The following VPS13D variants were observed in gnomAD, a reference collection of about 807,000 sequenced individuals.
The protein encoded by VPS13D is intermembrane lipid transfer protein VPS13D.
Under a neutral mutation model 461.9 loss-of-function variants are expected in VPS13D, and 187 were observed. The observed-to-expected ratio is 0.40, with a 90% CI of 0.36 to 0.46. The LOEUF (loss-of-function observed/expected upper bound fraction) is 0.46. Among genes scored for constraint, VPS13D ranks in the 20% least tolerant of loss-of-function variants. VPS13D has a pLI of 0.60. For synonymous variants in VPS13D, 1,951 were observed against 1,986.3 expected, an observed-to-expected ratio of 0.98 and a Z score of 0.47; for missense variants, 4,711 against 5,364.9, an observed-to-expected ratio of 0.88 and a Z score of 3.81.
intron 5 of VPS13D, among the ~76,000 whole-genome samples, chr1:12,245,829 A>T (rs934221819): frequency 6.6e-6 from 1 of 152,206 alleles, no homozygotes; most frequent in Non-Finnish European, 1.5e-5. Context: ...AGATTTGCCT[A>T]TTGTAGACAT....
chr1:12,306,772 A>G (rs1642576713), intron 26 of VPS13D, among the ~76,000 whole-genome samples: 1 of 152,146 alleles, frequency 6.6e-6, no homozygotes, highest in African/African-American at 2.4e-5. Context: ...AGGGTTGGGG[A>G]TGGTTTCAGG....
chr1:12,359,827 G>A lies in VPS13D; in HGVS notation c.10141+1226G>A, dbSNP rs148728975. Among the ~76,000 whole-genome samples the A allele has an allele frequency of 3.9e-3, 600 of 152,306 alleles. 12 individuals carry two copies. The highest frequency in any genetic ancestry group is 0.032 in the Admixed American group (491 of 15,296). ...AACTTGATTTGATCTTGCAGCACAGGATAGTTATCTTAACTTGTTCTCACT... is the reference window on the plus strand; with the variant it reads ...AACTTGATTTGATCTTGCAGCACAGAATAGTTATCTTAACTTGTTCTCACT... On this transcript the variant is annotated intron_variant, in intron 50 of 69. Transcript: ENST00000620676.
chr1:12,489,553 A>G (rs1180700685), intron 67 of VPS13D, among the ~76,000 whole-genome samples: 1 of 152,222 alleles, frequency 6.6e-6, no homozygotes, highest in Non-Finnish European at 1.5e-5. Context: ...AATGTTAACA[A>G]GAAAGCAAAG....
At chr1:12,240,129 C>G (rs1640297023) in intron 2 of VPS13D, among the ~76,000 whole-genome samples, 1 of 151,928 alleles carries the variant, frequency 6.6e-6, no homozygotes, top group Non-Finnish European at 1.5e-5. Context: ...CTCATTTTTT[C>G]CTTTACATTC....
At chr1:12,382,315 T>C in intron 57 of VPS13D, among the ~76,000 whole-genome samples, 1 of 152,160 alleles carries the variant, frequency 6.6e-6, no homozygotes. Flanking sequence ...TTGACCAGGC[T>C]GGTCTCAAAC....
intron 65 of VPS13D, among the ~76,000 whole-genome samples, chr1:12,452,996 C>G (rs1409008346): frequency 1.3e-5 from 2 of 152,132 alleles, no homozygotes; most frequent in African/African-American, 2.4e-5. Flanking sequence ...CTTTCCATGG[C>G]AAAGGTCTTC....
Position 12,333,321 on chromosome 1 carries a change from A to G in VPS13D, c.8383A>G (p.Lys2795Glu), listed in dbSNP as rs1569933605. Residue 2795 changes from lysine (K) to glutamate (E), a missense_variant, in exon 38 of 70, where the codon AAG (lysine) becomes GAG (glutamate). Transcript: ENST00000620676. ...TCCTCCTCGACTGAAGCTAGAAGCCAAGGCCAAACCTCGTTTGGATATCAA... is the reference window on the plus strand; with the variant it reads ...TCCTCCTCGACTGAAGCTAGAAGCCGAGGCCAAACCTCGTTTGGATATCAA... ...LHPPRLKLEA[K>E]AKPRLDINIT... 1 of 1,614,190 alleles carries G rather than the reference A, an allele frequency of 6.2e-7. No individual in the cohort carries two copies. The highest frequency in any genetic ancestry group is 1.1e-5 in the South Asian group (1 of 91,078).
At chr1:12,346,796 AT>A in intron 44 of VPS13D, 144 bp downstream of exon 44, 1 of 800,878 alleles carries the variant, frequency 1.2e-6, no homozygotes, top group Non-Finnish European at 1.8e-6. Flanking sequence ...TCTATTAATG[AT>A]TACCTTCCTT....
chr1:12,343,304 A>G (rs1247059670), intron 42 of VPS13D, among the ~76,000 whole-genome samples: 2 of 151,752 alleles, frequency 1.3e-5, no homozygotes, highest in African/African-American at 2.4e-5. Context: ...CCTCCTGAGT[A>G]GCTGGGATTA....
Position 12,401,673 on chromosome 1 carries a change from A to G in VPS13D, c.11850A>G (p.Leu3950=). Residue 3950 remains leucine (L), a synonymous_variant, in exon 62 of 70, where the codon CTA becomes CTG. Transcript: ENST00000620676. ...AGGAGAAACTGCTCCTCAAGCTGCT[A>G]AGTTTCTTTGGCTACGATCAAGCAG... ...QIEEKLLLKL[L]SFFGYDQAES... 1 of 1,613,538 alleles carries G rather than the reference A, an allele frequency of 6.2e-7. No homozygotes were observed. The highest frequency in any genetic ancestry group is 8.5e-7 in the Non-Finnish European group (1 of 1,179,494).
intron 65 of VPS13D, among the ~76,000 whole-genome samples, chr1:12,430,762 G>A (rs968986443): frequency 4.6e-5 from 7 of 152,168 alleles, no homozygotes; most frequent in South Asian, 2.1e-4. Flanking sequence ...TAGCACCCAC[G>A]CCAGATTGTG....
Position 12,338,216 on chromosome 1 carries a change from T to C in VPS13D, c.8552-15T>C. On this transcript the variant is annotated splice_polypyrimidine_tract_variant and intron_variant, in intron 39 of 69. Transcript: ENST00000620676. ...TTTATTCTTAGCCTCTAACTTTGTCTCTCCTGTCTACCAGGCCTCCCCCTT... is the reference window on the plus strand; with the variant it reads ...TTTATTCTTAGCCTCTAACTTTGTCCCTCCTGTCTACCAGGCCTCCCCCTT... 1.2e-6 allele frequency: 2 copies of C among 1,609,874 alleles called. No individual in the cohort carries two copies. The highest frequency in any genetic ancestry group is 1.7e-6 in the Non-Finnish European group (2 of 1,176,492).
At position 12,299,259 on chromosome 1, in the gene VPS13D, C is replaced by G; in HGVS notation, c.6091C>G (p.Pro2031Ala). The G allele has an allele frequency of 6.2e-7, 1 of 1,613,846 alleles. No homozygotes were observed. The highest frequency in any genetic ancestry group is 8.5e-7 in the Non-Finnish European group (1 of 1,179,974). ...RVLLDIEAGA[P>A]VLLIPESSRS... ...TCTCCTGGATATTGAGGCTGGTGCT[C>G]CCGTTCTCTTGATCCCAGAAAGTTC... Residue 2031 changes from proline to alanine, a missense_variant, in exon 25 of 70, where the codon CCC becomes GCC. Physicochemically the swap from Pro to Ala is conservative, Grantham distance 27. Coordinates refer to ENST00000620676, the MANE Select transcript of VPS13D (RefSeq NM_015378.4). This position sits in a 1 kb window ranked among gnomAD's most constrained non-coding sequence, Gnocchi z 4.2.
intron 67 of VPS13D, among the ~76,000 whole-genome samples, chr1:12,487,899 A>C (rs966886586): frequency 6.6e-6 from 1 of 152,208 alleles, no homozygotes; most frequent in Non-Finnish European, 1.5e-5. Context: ...TATTAATGGC[A>C]CTTTTCTAAA....
At chr1:12,355,792 G>A (rs1643880390) in intron 47 of VPS13D, 107 bp from the exon 48 acceptor site, 13 of 1,180,050 alleles carry the variant, frequency 1.1e-5, no homozygotes, top group Non-Finnish European at 1.4e-5. Context: ...TTTGCAGTTA[G>A]ATACTTAGTT....
At chr1:12,326,321 ATT>A (rs763042688) in intron 35 of VPS13D, among the ~76,000 whole-genome samples, 15 of 49,252 alleles carry the variant, frequency 3.0e-4, no homozygotes, top group Non-Finnish European at 4.1e-4. Flanking sequence ...AACCTTTTGG[ATT>A]TTTTTTTTTT....
intron 57 of VPS13D, among the ~76,000 whole-genome samples, chr1:12,381,874 T>A: frequency 6.6e-6 from 1 of 152,226 alleles, no homozygotes; most frequent in East Asian, 1.9e-4. Flanking sequence ...TTAAATTTAA[T>A]TCGGCTGAAG....
At chr1:12,432,680 C>G (rs1557435382) in intron 65 of VPS13D, among the ~76,000 whole-genome samples, 1 of 151,286 alleles carries the variant, frequency 6.6e-6, no homozygotes, top group East Asian at 1.9e-4. Context: ...ACTGCAACCT[C>G]TGCTTCTTGG....
rs543550885 is a variant in VPS13D at position 12,230,785 on chromosome 1, C to G, written c.-77+665C>G. Among the ~76,000 whole-genome samples, 277 of 152,150 alleles carry G rather than the reference C, an allele frequency of 1.8e-3. 1 individual carries two copies. Among genetic ancestry groups the G allele is most frequent in the Non-Finnish European group, 3.3e-3 (226 of 67,950 alleles). Reference sequence around the variant, plus strand: ...AAAACCTCTCTTTACCTTTTACCCCCCAGGGTCACGCCCTGGCCCAGCCAC... The same window carrying G: ...AAAACCTCTCTTTACCTTTTACCCCGCAGGGTCACGCCCTGGCCCAGCCAC... On this transcript the variant is annotated intron_variant, in intron 1 of 69. Coordinates refer to ENST00000620676, the MANE Select transcript of VPS13D (RefSeq NM_015378.4).
Sources: gnomAD v4.1 joint callset for allele counts (sites outside exome capture counted in the v4.1 genomes callset) on GRCh38, gnomAD v4.1.1 for gene constraint, Gnocchi (gnomAD v3.1) non-coding constraint, MANE v1.5 for transcripts, NCBI Gene and HGNC (gene_info 2026-07-23, HGNC 2026-07-21) for gene names.